The following TMTC2 variants were observed in gnomAD, a reference collection of about 807,000 sequenced individuals.
TMTC2 encodes the protein protein O-mannosyl-transferase TMTC2.
Under a neutral mutation model 82.4 loss-of-function variants are expected in TMTC2, and 43 were observed. The ratio of observed to expected loss-of-function variants is 0.52; its 90% confidence interval spans 0.41 to 0.67. The LOEUF is 0.67. Ranked by LOEUF, TMTC2 falls within the 30% of genes least tolerant of loss-of-function variation. TMTC2 has a pLI of 0.00. For synonymous variants in TMTC2, 408 were observed against 381.9 expected (o/e 1.07, Z -0.80); for missense variants, 919 against 1,012.4 (o/e 0.91, Z 1.25).
chr12:82,717,963 T>G (rs1375557485), intron 1 of TMTC2, among the ~76,000 whole-genome samples: 1 of 152,190 alleles, frequency 6.6e-6, no homozygotes, highest in Non-Finnish European at 1.5e-5. Flanking sequence ...TGGTCTTATA[T>G]CCATGAAACC....
chr12:82,904,988 T>A (rs1457847635), intron 3 of TMTC2, among the ~76,000 whole-genome samples: 1 of 151,730 alleles, frequency 6.6e-6, no homozygotes, highest in Non-Finnish European at 1.5e-5. Flanking sequence ...GTTTCTTTTT[T>A]TTTTTTTTTT....
At chr12:82,890,156 C>G (rs1873322955) in intron 2 of TMTC2, among the ~76,000 whole-genome samples, 1 of 152,098 alleles carries the variant, frequency 6.6e-6, no homozygotes, top group African/African-American at 2.4e-5. Flanking sequence ...TCACTTTAAT[C>G]TTAATTGGTA....
intron 1 of TMTC2, among the ~76,000 whole-genome samples, chr12:82,780,488 A>C (rs1228748287): frequency 6.6e-6 from 1 of 151,968 alleles, no homozygotes; most frequent in Non-Finnish European, 1.5e-5. Flanking sequence ...AACACATGAT[A>C]TAAAATGTAT....
chr12:83,134,094 A>G lies in TMTC2; in HGVS notation c.*1705A>G, dbSNP rs1195471220. On this transcript the variant is annotated 3_prime_UTR_variant, in exon 12 of 12. Transcript: ENST00000321196. Reference sequence around the variant, plus strand: ...TGTGAGAAGGGTAAATGTAGTGAGAAAGGTTTTTTCATGGCATTAATAAGA... The same window carrying G: ...TGTGAGAAGGGTAAATGTAGTGAGAGAGGTTTTTTCATGGCATTAATAAGA... 1.3e-5 allele frequency: 2 copies of G among 152,630 alleles called. No homozygotes were observed. Among genetic ancestry groups the G allele is most frequent in the Non-Finnish European group, 2.9e-5 (2 of 68,036 alleles). 9.5% of individuals were successfully genotyped at this position (152,630 alleles called of 1,614,324 possible). A position where few individuals can be genotyped will look rare whatever the true frequency, so the allele number is the denominator to read the frequency against.
chr12:83,014,051 T>C, intron 8 of TMTC2, among the ~76,000 whole-genome samples: 1 of 152,264 alleles, frequency 6.6e-6, no homozygotes, highest in East Asian at 1.9e-4. Flanking sequence ...AAATTTTGCC[T>C]ATGTTTTTCT....
chr12:82,986,954 T>C (rs1241146946), intron 8 of TMTC2, among the ~76,000 whole-genome samples: 1 of 152,154 alleles, frequency 6.6e-6, no homozygotes, highest in Non-Finnish European at 1.5e-5. Flanking sequence ...TTAGTTATAG[T>C]ACCTAATCTC....
chr12:82,975,641 A>G (rs1190990339), intron 7 of TMTC2, among the ~76,000 whole-genome samples: 1 of 152,170 alleles, frequency 6.6e-6, no homozygotes, highest in African/African-American at 2.4e-5. Flanking sequence ...TAATATAAAT[A>G]AATTATTCAT....
At chr12:82,727,397 C>A (rs191770374) in intron 1 of TMTC2, among the ~76,000 whole-genome samples, 2 of 152,114 alleles carry the variant, frequency 1.3e-5, no homozygotes, top group East Asian at 3.9e-4. Context: ...ACCCTGACCC[C>A]TGACTGGAAA....
At chr12:82,717,825 C>G (rs1481846638) in intron 1 of TMTC2, among the ~76,000 whole-genome samples, 1 of 152,068 alleles carries the variant, frequency 6.6e-6, no homozygotes, top group Admixed American at 6.6e-5. Flanking sequence ...AAAACCAAAC[C>G]AAAGCAAAAC....
intron 9 of TMTC2, among the ~76,000 whole-genome samples, chr12:83,046,246 A>G (rs569920626): frequency 3.4e-4 from 51 of 152,196 alleles, no homozygotes; most frequent in Non-Finnish European, 6.8e-4. Context: ...AGCTAATCCC[A>G]GATGTCATCA....
chr12:82,978,570 GT>G (rs1237459253), intron 7 of TMTC2, among the ~76,000 whole-genome samples: 1 of 151,420 alleles, frequency 6.6e-6, no homozygotes, highest in South Asian at 2.1e-4. Flanking sequence ...ATAATTTAAG[GT>G]TTTTTTAGTT....
At chr12:82,838,703 C>T (rs910912743) in intron 1 of TMTC2, among the ~76,000 whole-genome samples, 1 of 151,968 alleles carries the variant, frequency 6.6e-6, no homozygotes, top group African/African-American at 2.4e-5. Flanking sequence ...GAAGTAAAAA[C>T]ACATGTCCCC....
At chr12:82,996,115 T>C (rs938937412) in intron 8 of TMTC2, among the ~76,000 whole-genome samples, 1 of 152,250 alleles carries the variant, frequency 6.6e-6, no homozygotes, top group African/African-American at 2.4e-5. Flanking sequence ...TCTGTGTATA[T>C]TTTTAAATGA....
At chr12:83,007,653 T>C (rs948865061) in intron 8 of TMTC2, among the ~76,000 whole-genome samples, 6 of 152,238 alleles carry the variant, frequency 3.9e-5, no homozygotes, top group Non-Finnish European at 7.3e-5. Flanking sequence ...ATTGTTACAT[T>C]AAACAGTTAT....
chr12:82,803,141 A>T (rs575229891), intron 1 of TMTC2, among the ~76,000 whole-genome samples: 1 of 152,180 alleles, frequency 6.6e-6, no homozygotes. Flanking sequence ...AATTTTGGCT[A>T]TGTCATCCTT....
intron 8 of TMTC2, among the ~76,000 whole-genome samples, chr12:83,029,791 A>G (rs1881350891): frequency 1.3e-5 from 2 of 152,194 alleles, no homozygotes; most frequent in African/African-American, 4.8e-5. Context: ...AACTAGGTGA[A>G]GAATGTATAC....
chr12:82,908,270 C>T (rs1874431437), intron 3 of TMTC2, among the ~76,000 whole-genome samples: 1 of 151,932 alleles, frequency 6.6e-6, no homozygotes, highest in Non-Finnish European at 1.5e-5. Context: ...GGAATATTAC[C>T]AGTGTCTTTG....
At chr12:82,798,336 C>G (rs1039750531) in intron 1 of TMTC2, among the ~76,000 whole-genome samples, 2 of 150,112 alleles carry the variant, frequency 1.3e-5, no homozygotes, top group African/African-American at 4.9e-5. Context: ...CTTTGGGAGG[C>G]CGAGGCCGGT....
At chr12:82,796,145 T>C (rs1878707452) in intron 1 of TMTC2, among the ~76,000 whole-genome samples, 2 of 151,938 alleles carry the variant, frequency 1.3e-5, no homozygotes, top group Non-Finnish European at 2.9e-5. Flanking sequence ...TTTAAAAAGA[T>C]TGGGGTTGAG....
Sources: allele counts gnomAD v4.1 joint callset (sites outside exome capture counted in the v4.1 genomes callset), GRCh38; gene constraint gnomAD v4.1.1; transcripts MANE v1.5; gene names NCBI Gene and HGNC (gene_info 2026-07-23, HGNC 2026-07-21).